Variants in PCDHA3 observed in about 807,000 individuals in gnomAD.
PCDHA3 encodes protocadherin alpha-3.
A neutral mutation model predicts 62.2 loss-of-function variants in PCDHA3; 41 were observed. The ratio of observed to expected loss-of-function variants is 0.66; its 90% CI spans 0.51 to 0.86. The LOEUF is 0.86. PCDHA3 is among the 40% of genes least tolerant of loss of function. PCDHA3 has a pLI of 0.00. For missense variants in PCDHA3, 1,304 were observed against 1,241.2 expected (o/e 1.05, Z -0.76); for synonymous variants, 640 against 555.4 (o/e 1.15, Z -2.14).
chr5:140,817,541 A>G (rs1766154895), intron 1 of PCDHA3: 1 of 152,236 alleles, frequency 6.6e-6, no homozygotes, highest in Non-Finnish European at 1.5e-5. Context: ...GTTGATTATA[A>G]CACACATCCT....
chr5:140,839,514 C>G (rs544251517), intron 1 of PCDHA3, among the ~76,000 whole-genome samples: 6 of 151,964 alleles, frequency 3.9e-5, no homozygotes, highest in Non-Finnish European at 8.8e-5. Flanking sequence ...CTCAGCCTCT[C>G]AAGTTGCTGG....
chr5:140,840,409 T>C (rs1242037387), intron 1 of PCDHA3, among the ~76,000 whole-genome samples: 1 of 151,904 alleles, frequency 6.6e-6, no homozygotes, highest in East Asian at 1.9e-4. Context: ...TAAGAATACT[T>C]CAAATAATAG....
intron 1 of PCDHA3, among the ~76,000 whole-genome samples, chr5:140,973,020 T>A (rs1057155557): frequency 6.6e-6 from 1 of 152,120 alleles, no homozygotes; most frequent in Non-Finnish European, 1.5e-5. Flanking sequence ...TTGTGATTGT[T>A]AATGAGTCAC....
chr5:140,824,296 G>C, intron 1 of PCDHA3: 1 of 897,790 alleles, frequency 1.1e-6, no homozygotes. Flanking sequence ...AGGCTTTTCT[G>C]CTGGGGTAAT....
At chr5:141,003,962 C>G (rs2098144287) in intron 3 of PCDHA3, among the ~76,000 whole-genome samples, 1 of 152,098 alleles carries the variant, frequency 6.6e-6, no homozygotes, top group Non-Finnish European at 1.5e-5. Context: ...ACCCTGGGAG[C>G]ATAAGGGAGG....
intron 1 of PCDHA3, chr5:140,860,619 CAT>C: frequency 6.6e-6 from 1 of 152,266 alleles, no homozygotes; most frequent in African/African-American, 2.4e-5. Context: ...GAAACATAAA[CAT>C]ATGCAGGAAT....
chr5:140,875,265 T>C, intron 1 of PCDHA3: 1 of 1,201,060 alleles, frequency 8.3e-7, no homozygotes, highest in Admixed American at 3.0e-5. Flanking sequence ...GATGTCGCTC[T>C]ACACTCAGAA....
At chr5:140,989,802 G>C (rs2153885493) in intron 3 of PCDHA3, among the ~76,000 whole-genome samples, 2 of 152,336 alleles carry the variant, frequency 1.3e-5, no homozygotes, top group South Asian at 4.1e-4. Flanking sequence ...CCAGGAAAGG[G>C]CCATAAGATT....
At position 140,857,927 on chromosome 5, in the gene PCDHA3, A is replaced by C. The variant is rs1554150876; in HGVS notation, c.2394+54336A>C. ...CATCCCGTTTCGCGTGGGGCTGTAC[A>C]CGGGCGAGATCAGTACGACGCGCGC... On this transcript the variant is annotated intron_variant, in intron 1 of 3. Transcript: ENST00000522353. The C allele has an allele frequency of 1.9e-6, 3 of 1,597,510 alleles. 1 individual carries two copies. Among genetic ancestry groups the C allele is most frequent in the Non-Finnish European group, 2.6e-6 (3 of 1,167,484 alleles).
intron 1 of PCDHA3, chr5:140,869,872 A>G: frequency 6.2e-7 from 1 of 1,610,558 alleles, no homozygotes; most frequent in Admixed American, 1.7e-5. Context: ...AAATGCTGCT[A>G]AAGAAACTCT....
intron 1 of PCDHA3, chr5:140,822,163 C>A: frequency 6.2e-7 from 1 of 1,614,250 alleles, no homozygotes; most frequent in East Asian, 2.2e-5. Flanking sequence ...TGACAATCCG[C>A]CCAGGTTCTC....
At position 140,858,233 on chromosome 5, in the gene PCDHA3, G is replaced by T. The variant is rs1014024880; in HGVS notation, c.2394+54642G>T. On this transcript the variant is annotated intron_variant, in intron 1 of 3. Coordinates refer to ENST00000522353, the MANE Select transcript of PCDHA3 (RefSeq NM_018906.3). ...GTGCTCGGCGGCGCCCACCGAGGGCGCATGTGGGCCGGTGAAGCCCACGCT... is the reference window on the plus strand; with the variant it reads ...GTGCTCGGCGGCGCCCACCGAGGGCTCATGTGGGCCGGTGAAGCCCACGCT... The T allele has an allele frequency of 9.4e-6, 15 of 1,596,216 alleles. 1 individual carries two copies. Among genetic ancestry groups the T allele is most frequent in the Non-Finnish European group, 1.1e-5 (13 of 1,166,126 alleles).
chr5:140,966,691 G>A, intron 1 of PCDHA3: 3 of 1,349,440 alleles, frequency 2.2e-6, no homozygotes, highest in Non-Finnish European at 1.9e-6. Context: ...GCGGAGGCGG[G>A]GCCCGGGCGT....
chr5:140,915,049 G>A (rs141616466), intron 1 of PCDHA3, among the ~76,000 whole-genome samples: 6,100 of 150,756 alleles, frequency 0.04, 138 homozygotes, highest in Non-Finnish European at 0.052. Flanking sequence ...GGGTTCAAGC[G>A]ATTCTCCTGC....
At chr5:140,952,879 G>C (rs1325308016) in intron 1 of PCDHA3, among the ~76,000 whole-genome samples, 1 of 152,094 alleles carries the variant, frequency 6.6e-6, no homozygotes, top group Non-Finnish European at 1.5e-5. Context: ...TTACAATCAT[G>C]GTGGAAGGCA....
rs781886107 is a variant in PCDHA3 at position 140,870,037 on chromosome 5, A to G, written c.2394+66446A>G. 6.2e-7 allele frequency: 1 copy of G among 1,613,778 alleles called. No individual in the cohort carries two copies. The highest frequency in any genetic ancestry group is 1.7e-5 in the Admixed American group (1 of 60,026). On this transcript the variant is annotated intron_variant, in intron 1 of 3. Coordinates refer to ENST00000522353, the MANE Select transcript of PCDHA3 (RefSeq NM_018906.3). ...CAATGGAACTTTAGATTATGAAGAA[A>G]ACAAGTTTTATAAAATTGAAGTACA... is the stretch of plus-strand genomic sequence containing the variant.
At chr5:140,919,976 G>A (rs552658832) in intron 1 of PCDHA3, among the ~76,000 whole-genome samples, 1 of 134,018 alleles carries the variant, frequency 7.5e-6, no homozygotes, top group Non-Finnish European at 1.7e-5. Context: ...ATAAGAGATA[G>A]AAGATGGAAA....
At chr5:140,967,029 G>T in intron 1 of PCDHA3, 1 of 1,609,056 alleles carries the variant, frequency 6.2e-7, no homozygotes, top group Non-Finnish European at 8.5e-7. Context: ...CCCAGTCCGC[G>T]CTACCTGGAG....
chr5:140,965,326 A>T (rs184855153), intron 1 of PCDHA3, among the ~76,000 whole-genome samples: 1 of 152,298 alleles, frequency 6.6e-6, no homozygotes, highest in African/African-American at 2.4e-5. Context: ...TACTGAAGTG[A>T]ATTTGTTGTC....
Sources: gnomAD v4.1 joint callset for allele counts (sites outside exome capture counted in the v4.1 genomes callset) on GRCh38, gnomAD v4.1.1 for gene constraint, MANE v1.5 for transcripts, NCBI Gene and HGNC (gene_info 2026-07-23, HGNC 2026-07-21) for gene names.